TMTC1: variants seen among roughly 807,000 people sequenced by gnomAD.
TMTC1 encodes protein O-mannosyl-transferase TMTC1.
In TMTC1, 73 loss-of-function variants were observed where a neutral mutation model predicts 104.8. The observed-to-expected ratio is 0.70, with a 90% CI of 0.58 to 0.85. TMTC1 has a LOEUF of 0.85. Among genes scored for constraint, TMTC1 ranks in the 40% least tolerant of loss-of-function variants. The pLI is 0.00. For synonymous variants in TMTC1, 434 were observed against 428.7 expected (o/e 1.01, Z -0.15); for missense variants, 1,035 against 1,096.1 (o/e 0.94, Z 0.79).
At chr12:29,594,969 C>T (rs914424683) in intron 7 of TMTC1, among the ~76,000 whole-genome samples, 2 of 152,170 alleles carry the variant, frequency 1.3e-5, no homozygotes, top group South Asian at 2.1e-4. Flanking sequence ...ATTTATGTTT[C>T]TTTGATTTCT....
intron 11 of TMTC1, 117 bp downstream of exon 11, chr12:29,536,092 A>C: frequency 4.2e-6 from 3 of 713,476 alleles, no homozygotes; most frequent in Non-Finnish European, 7.3e-6. Flanking sequence ...AAACTGACAT[A>C]GAGATTGGTT....
intron 5 of TMTC1, among the ~76,000 whole-genome samples, chr12:29,700,475 T>C (rs1418887226): frequency 6.6e-6 from 1 of 152,066 alleles, no homozygotes; most frequent in South Asian, 2.1e-4. Context: ...TCTGGAATTA[T>C]AGGCATGAGC....
intron 9 of TMTC1, among the ~76,000 whole-genome samples, chr12:29,561,562 G>T (rs539865730): frequency 6.6e-6 from 1 of 152,142 alleles, no homozygotes; most frequent in Admixed American, 6.5e-5. Context: ...ATTTACATAC[G>T]TGCTTTCTGA....
At chr12:29,528,583 T>C (rs372288984) in intron 11 of TMTC1, among the ~76,000 whole-genome samples, 2 of 152,132 alleles carry the variant, frequency 1.3e-5, no homozygotes, top group African/African-American at 4.8e-5. Context: ...AAGTGAAAAA[T>C]AGATGTCCTG....
chr12:29,502,342 T>TTTG lies in TMTC1; in HGVS notation c.*4503_*4504insCAA, dbSNP rs907879337. 1.3e-4 allele frequency: 19 copies of TTTG among 151,958 alleles called. No individual in the cohort carries two copies. Among genetic ancestry groups the TTTG allele is most frequent in the African/African-American group, 4.6e-4 (19 of 41,420 alleles). The allele number at this position is 151,958 out of a possible 1,614,324, so 9.4% of individuals were successfully genotyped here. ...CCACCACAAATCAAAGCAAAAGTTT[T>TTTG]TTTTTTTTTCAAAAACAGATTCTAA... On this transcript the variant is annotated 3_prime_UTR_variant, in exon 18 of 18. Coordinates refer to ENST00000539277, the MANE Select transcript of TMTC1 (RefSeq NM_001193451.2).
intron 9 of TMTC1, among the ~76,000 whole-genome samples, chr12:29,560,280 GT>G (rs556633168): frequency 9.2e-5 from 14 of 152,296 alleles, no homozygotes; most frequent in South Asian, 2.1e-4. Context: ...AGGCCTGTTT[GT>G]AAGAGCACTC....
At chr12:29,700,176 A>G (rs11835635) in intron 5 of TMTC1, among the ~76,000 whole-genome samples, 9,165 of 151,162 alleles carry the variant, frequency 0.061, 975 homozygotes, top group African/African-American at 0.21. Context: ...AGCCTCCCAA[A>G]TAGCTAGGAT....
intron 1 of TMTC1, among the ~76,000 whole-genome samples, chr12:29,779,810 A>G (rs191810477): frequency 1.6e-4 from 23 of 140,790 alleles, no homozygotes; most frequent in Admixed American, 1.4e-3. Flanking sequence ...AGAATATATA[A>G]AGAACTTCAA....
At chr12:29,548,241 A>T (rs1000934861) in intron 10 of TMTC1, among the ~76,000 whole-genome samples, 4 of 152,240 alleles carry the variant, frequency 2.6e-5, no homozygotes, top group African/African-American at 9.6e-5. Flanking sequence ...TACATTAATG[A>T]CCACTAATGG....
intron 5 of TMTC1, among the ~76,000 whole-genome samples, chr12:29,730,184 A>G (rs1942509846): frequency 6.6e-6 from 1 of 152,184 alleles, no homozygotes; most frequent in South Asian, 2.1e-4. Flanking sequence ...TTTACCTGAC[A>G]AAGTGAGATT....
chr12:29,753,871 T>C (rs1313663362), intron 4 of TMTC1, among the ~76,000 whole-genome samples: 1 of 152,148 alleles, frequency 6.6e-6, no homozygotes, highest in Non-Finnish European at 1.5e-5. Context: ...AGAAGTTTCT[T>C]TTTCTTTTTG....
In TMTC1 at chr12:29,501,990, T is replaced by G. The variant is rs1943604526; in HGVS notation, c.*4856A>C. 6.6e-6 allele frequency: 1 copy of G among 152,080 alleles called. No homozygotes were observed. Among genetic ancestry groups the G allele is most frequent in the South Asian group, 2.1e-4 (1 of 4,826 alleles). The allele number at this position is 152,080 out of a possible 1,614,324, so 9.4% of individuals were successfully genotyped here. ...TTTTTTGGAAGAACTATTCAGCATA[T>G]TTTCCTTTTGCATCAAAAACGTCAA... On this transcript the variant is annotated 3_prime_UTR_variant, in exon 18 of 18. Coordinates refer to ENST00000539277, the MANE Select transcript of TMTC1 (RefSeq NM_001193451.2).
chr12:29,566,616 G>A (rs1945523723), intron 9 of TMTC1, among the ~76,000 whole-genome samples: 1 of 152,164 alleles, frequency 6.6e-6, no homozygotes, highest in South Asian at 2.1e-4. Context: ...CACCAGTTAG[G>A]AGCATATTGC....
intron 8 of TMTC1, among the ~76,000 whole-genome samples, chr12:29,581,673 C>T (rs1021825934): frequency 2.0e-5 from 3 of 152,076 alleles, no homozygotes; most frequent in Admixed American, 6.6e-5. Context: ...TTAGAAAATA[C>T]AACCACTGTT....
At chr12:29,599,930 G>GTA (rs201877109) in intron 7 of TMTC1, among the ~76,000 whole-genome samples, 4,194 of 142,964 alleles carry the variant, frequency 0.029, 374 homozygotes, top group African/African-American at 0.11. Context: ...ATATATATGT[G>GTA]TATATATATG....
chr12:29,710,590 TTTA>T (rs926865261), intron 5 of TMTC1, among the ~76,000 whole-genome samples: 3 of 144,574 alleles, frequency 2.1e-5, no homozygotes, highest in Admixed American at 7.0e-5. Flanking sequence ...TATATTTATA[TTTA>T]TTATACTTAT....
At chr12:29,512,657 C>A (rs1943872247) in intron 16 of TMTC1, among the ~76,000 whole-genome samples, 1 of 152,116 alleles carries the variant, frequency 6.6e-6, no homozygotes, top group Non-Finnish European at 1.5e-5. Flanking sequence ...ATTAGACAGT[C>A]TTTTTTCCCC....
chr12:29,768,907 C>T (rs1943534377), intron 1 of TMTC1, among the ~76,000 whole-genome samples: 1 of 152,140 alleles, frequency 6.6e-6, no homozygotes, highest in Non-Finnish European at 1.5e-5. Context: ...GGACATAATA[C>T]ACCCAATTGA....
At chr12:29,688,492 C>G (rs1486200713) in intron 5 of TMTC1, among the ~76,000 whole-genome samples, 1 of 152,170 alleles carries the variant, frequency 6.6e-6, no homozygotes, top group East Asian at 1.9e-4. Flanking sequence ...AATGCTGTCT[C>G]TGCCACCATG....
Sources: gnomAD v4.1 joint callset for allele counts (sites outside exome capture counted in the v4.1 genomes callset) on GRCh38, gnomAD v4.1.1 for gene constraint, MANE v1.5 for transcripts, NCBI Gene and HGNC (gene_info 2026-07-23, HGNC 2026-07-21) for gene names.